OR56A4: variants seen among roughly 807,000 people sequenced by gnomAD.
OR56A4 encodes olfactory receptor 56A4.
OR56A4 carries 9 observed loss-of-function variants against 13.6 expected under a neutral mutation model. The ratio of observed to expected loss-of-function variants is 0.66; its 90% CI spans 0.40 to 1.15. The LOEUF (loss-of-function observed/expected upper bound fraction) is 1.15. Among genes scored for constraint, OR56A4 ranks in the 50% most tolerant of loss-of-function variants. OR56A4 has a pLI of 0.01. For synonymous variants in OR56A4, 167 were observed against 153.9 expected (o/e 1.08, Z -0.63); for missense variants, 380 against 375.9 (o/e 1.01, Z -0.09).
chr11:6,006,141 C>T (rs1302176297), intron 2 of OR56A4, 108 bp downstream of exon 2: 1 of 152,192 alleles, frequency 6.6e-6, no homozygotes, highest in Non-Finnish European at 1.5e-5. Flanking sequence ...AGGAATGCCT[C>T]CCAGATTTTT....
In OR56A4 at chr11:5,999,576, A is replaced by G. The variant is rs997433; in HGVS notation, c.*2475T>C. 0.39 allele frequency: 59,393 copies of G among 152,010 alleles called. 12,420 individuals carry two copies. Among genetic ancestry groups the G allele is most frequent in the African/African-American group, 0.54 (22,354 of 41,462 alleles). 9.4% of individuals were successfully genotyped at this position (152,010 alleles called of 1,614,324 possible). ...TGTCTCAATCCTAATGGTCTTCACT[A>G]TATAAAGGTTCATTTTGTGCTGGCT... On this transcript the variant is annotated 3_prime_UTR_variant, in exon 3 of 3. Coordinates refer to ENST00000641156, the MANE Select transcript of OR56A4 (RefSeq NM_001005179.4).
At chr11:6,003,932 G>T (rs1439318095) in intron 2 of OR56A4, among the ~76,000 whole-genome samples, 1 of 152,182 alleles carries the variant, frequency 6.6e-6, no homozygotes, top group Non-Finnish European at 1.5e-5. Context: ...TCTACATTCT[G>T]TAAACTCATC....
chr11:6,005,542 G>A (rs901388334), intron 2 of OR56A4, among the ~76,000 whole-genome samples: 2 of 152,120 alleles, frequency 1.3e-5, no homozygotes, highest in African/African-American at 4.8e-5. Flanking sequence ...TATTTGAAAA[G>A]GAACGTGATA....
Position 6,001,364 on chromosome 11 carries a change from C to T in OR56A4, c.*687G>A, listed in dbSNP as rs546981436. On this transcript the variant is annotated 3_prime_UTR_variant, in exon 3 of 3. Transcript: ENST00000641156. ...CCTCCCCAACCTAAAAATCCTAAAACTTTATCAACCTCATTTACAAACCAA... is the reference window on the plus strand; with the variant it reads ...CCTCCCCAACCTAAAAATCCTAAAATTTTATCAACCTCATTTACAAACCAA... The T allele has an allele frequency of 1.3e-5, 2 of 152,390 alleles. No homozygotes were observed. Among genetic ancestry groups the T allele is most frequent in the African/African-American group, 2.4e-5 (1 of 41,574 alleles). The allele number at this position is 152,390 out of a possible 1,614,324, so 9.4% of individuals were successfully genotyped here. A position where few individuals can be genotyped will look rare whatever the true frequency, so the allele number is the denominator to read the frequency against.
chr11:6,002,414 A>G lies in OR56A4; in HGVS notation c.579T>C (p.Asp193=). ...GGTAGAGCTGATTGAAAGTGATGTCATCACAAGAGAGTTTGGACACAGACA... is the reference window on the plus strand; with the variant it reads ...GGTAGAGCTGATTGAAAGTGATGTCGTCACAAGAGAGTTTGGACACAGACA... ...SNLSVSKLSC[D]DITFNQLYQF... The change falls in exon 3 of 3, where the codon GAT becomes GAC. Residue 193 remains aspartate (D), a synonymous_variant. Transcript: ENST00000641156. 2 of 1,614,252 alleles carry G rather than the reference A, an allele frequency of 1.2e-6. No individual in the cohort carries two copies.
Position 6,000,673 on chromosome 11 carries a change from T to C in OR56A4, c.*1378A>G, listed in dbSNP as rs1848207603. 6.6e-6 allele frequency: 1 copy of C among 151,920 alleles called. No individual in the cohort carries two copies. The highest frequency in any genetic ancestry group is 1.5e-5 in the Non-Finnish European group (1 of 67,974). 9.4% of individuals were successfully genotyped at this position (151,920 alleles called of 1,614,324 possible). ...GATGGGGTTTGGCAAATGGTGATAA[T>C]GGTAAAAGAAGGCTGATGTGAGAAG... On this transcript the variant is annotated 3_prime_UTR_variant, in exon 3 of 3. Coordinates refer to ENST00000641156, the MANE Select transcript of OR56A4 (RefSeq NM_001005179.4).
chr11:6,001,921 G>A lies in OR56A4; in HGVS notation c.*130C>T, dbSNP rs1398724921. On this transcript the variant is annotated 3_prime_UTR_variant, in exon 3 of 3. Transcript: ENST00000641156. ...TGTGTTCATTGTTGCCTGAGATATT[G>A]AGAACAGAAGAATCCGAACTCAGGC... 1.2e-6 allele frequency: 1 copy of A among 855,790 alleles called. No individual in the cohort carries two copies. The highest frequency in any genetic ancestry group is 2.8e-5 in the East Asian group (1 of 36,328). The allele number at this position is 855,790 out of a possible 1,614,324, so 53.0% of individuals were successfully genotyped here. A position where few individuals can be genotyped will look rare whatever the true frequency, so the allele number is the denominator to read the frequency against.
chr11:6,002,322 A>G lies in OR56A4; in HGVS notation c.671T>C (p.Ile224Thr), dbSNP rs1235211170. 1 of 1,614,202 alleles carries G rather than the reference A, an allele frequency of 6.2e-7. No individual in the cohort carries two copies. Among genetic ancestry groups the G allele is most frequent in the African/African-American group, 1.3e-5 (1 of 75,070 alleles). Residue 224 changes from isoleucine (I) to threonine (T), a missense_variant, in exon 3 of 3, where the codon ATA (isoleucine) becomes ACA (threonine). Physicochemically the swap from Ile to Thr is moderately conservative, Grantham distance 89 (BLOSUM62 -1). Coordinates refer to ENST00000641156, the MANE Select transcript of OR56A4 (RefSeq NM_001005179.4). ...LILIVISYSF[I>T]LKVVLRIKAE... ...CTTGATCCTAAGCACAACTTTCAAT[A>G]TAAAAGAATAGGAGATAACAATAAG...
In OR56A4 at chr11:6,000,965, T is replaced by C. The variant is rs1045607947; in HGVS notation, c.*1086A>G. 1 of 152,234 alleles carries C rather than the reference T, an allele frequency of 6.6e-6. No homozygotes were observed. The highest frequency in any genetic ancestry group is 2.4e-5 in the African/African-American group (1 of 41,462). 9.4% of individuals were successfully genotyped at this position (152,234 alleles called of 1,614,324 possible). On this transcript the variant is annotated 3_prime_UTR_variant, in exon 3 of 3. Transcript: ENST00000641156. ...AAGTAGGATAGTCCAGTTGGGACAG[T>C]TGTCAAACAATGCCTGGACAAATGA...
chr11:6,005,796 T>A (rs1412875049), intron 2 of OR56A4, among the ~76,000 whole-genome samples: 1 of 152,212 alleles, frequency 6.6e-6, no homozygotes, highest in African/African-American at 2.4e-5. Context: ...TATACAGGTA[T>A]CAGTCTCAAC....
Position 5,999,618 on chromosome 11 carries a change from G to C in OR56A4, c.*2433C>G, listed in dbSNP as rs964612388. The C allele has an allele frequency of 3.9e-5, 6 of 152,128 alleles. No individual in the cohort carries two copies. The highest frequency in any genetic ancestry group is 2.6e-4 in the Admixed American group (4 of 15,274). The allele number at this position is 152,128 out of a possible 1,614,324, so 9.4% of individuals were successfully genotyped here. A position where few individuals can be genotyped will look rare whatever the true frequency, so the allele number is the denominator to read the frequency against. The stretch of plus-strand genomic sequence containing the variant: ...GTGCTGGCTAAAAATATGGCTCTCT[G>C]TTAGGTACTATAAGGACATATAATA... On this transcript the variant is annotated 3_prime_UTR_variant, in exon 3 of 3. Transcript: ENST00000641156.
Position 6,002,219 on chromosome 11 carries a change from C to T in OR56A4, c.774G>A (p.Leu258=). 3 of 1,614,046 alleles carry T rather than the reference C, an allele frequency of 1.9e-6. No individual in the cohort carries two copies. The highest frequency in any genetic ancestry group is 2.5e-6 in the Non-Finnish European group (3 of 1,179,976). ...FILILFFSTV[L]LVLVITNLAR... is the part of the protein sequence containing the mutation. ...CCAGGTTAGTGATGACCAGAACCAG[C>T]AGGACTGTGCTGAAGAAGAGGATGA... The change falls in exon 3 of 3, where the codon CTG becomes CTA. Residue 258 remains leucine (L), a synonymous_variant. Coordinates refer to ENST00000641156, the MANE Select transcript of OR56A4 (RefSeq NM_001005179.4).
In OR56A4 at chr11:5,999,840, A is replaced by G. The variant is rs1848201860; in HGVS notation, c.*2211T>C. On this transcript the variant is annotated 3_prime_UTR_variant, in exon 3 of 3. Coordinates refer to ENST00000641156, the MANE Select transcript of OR56A4 (RefSeq NM_001005179.4). The stretch of plus-strand genomic sequence containing the variant: ...TCTCAACCTAAAAGAAGCTTATGAC[A>G]GTGTCAGAGAAAGAAATACAGCCAC... 1 of 152,276 alleles carries G rather than the reference A, an allele frequency of 6.6e-6. No individual in the cohort carries two copies. Among genetic ancestry groups the G allele is most frequent in the African/African-American group, 2.4e-5 (1 of 41,474 alleles). The allele number at this position is 152,276 out of a possible 1,614,324, so 9.4% of individuals were successfully genotyped here. A position where few individuals can be genotyped will look rare whatever the true frequency, so the allele number is the denominator to read the frequency against.
At chr11:6,005,146 A>G (rs968928339) in intron 2 of OR56A4, among the ~76,000 whole-genome samples, 1 of 152,184 alleles carries the variant, frequency 6.6e-6, no homozygotes, top group African/African-American at 2.4e-5. Flanking sequence ...TTTCTCACAA[A>G]TGAAATAGAA....
rs1848209802 is a variant in OR56A4 at position 6,001,016 on chromosome 11, C to G, written c.*1035G>C. The G allele has an allele frequency of 6.6e-6, 1 of 152,166 alleles. No homozygotes were observed. Among genetic ancestry groups the G allele is most frequent in the Non-Finnish European group, 1.5e-5 (1 of 68,032 alleles). The allele number at this position is 152,166 out of a possible 1,614,324, so 9.4% of individuals were successfully genotyped here. On this transcript the variant is annotated 3_prime_UTR_variant, in exon 3 of 3. Coordinates refer to ENST00000641156, the MANE Select transcript of OR56A4 (RefSeq NM_001005179.4). ...TGGACTTGAAATCTGAATTTGCATCCCCAAAAGAGACAGATTAAGACTGTT... is the reference window on the plus strand; with the variant it reads ...TGGACTTGAAATCTGAATTTGCATCGCCAAAAGAGACAGATTAAGACTGTT...
At chr11:6,004,467 T>C (rs1848242202) in intron 2 of OR56A4, among the ~76,000 whole-genome samples, 1 of 152,220 alleles carries the variant, frequency 6.6e-6, no homozygotes, top group Admixed American at 6.5e-5. Context: ...GATTGAGGTG[T>C]GCATGAGAAG....
chr11:6,001,422 A>C lies in OR56A4; in HGVS notation c.*629T>G, dbSNP rs762078177. 1 of 152,312 alleles carries C rather than the reference A, an allele frequency of 6.6e-6. No individual in the cohort carries two copies. Among genetic ancestry groups the C allele is most frequent in the Non-Finnish European group, 1.5e-5 (1 of 68,090 alleles). The allele number at this position is 152,312 out of a possible 1,614,324, so 9.4% of individuals were successfully genotyped here. A position where few individuals can be genotyped will look rare whatever the true frequency, so the allele number is the denominator to read the frequency against. ...AGAAAGAAAATCTAAGTAGAGAGAA[A>C]GAATAGAAAACGCTGCCCTCAGAGA... On this transcript the variant is annotated 3_prime_UTR_variant, in exon 3 of 3. Coordinates refer to ENST00000641156, the MANE Select transcript of OR56A4 (RefSeq NM_001005179.4).
Position 6,002,082 on chromosome 11 carries a change from T to C in OR56A4, c.911A>G (p.Gln304Arg). ...CCTCTTCAGCAGGTTTTGGATTCCC[T>C]GCTTGATCTCCTTGGTTCTCACACC... ...VYGVRTKEIK[Q>R]GIQNLLKRL Residue 304 changes from glutamine (Q) to arginine (R), a missense_variant, in exon 3 of 3, where the codon CAG becomes CGG. Gln to Arg is a conservative substitution (Grantham distance 43). Transcript: ENST00000641156. The C allele has an allele frequency of 8.1e-6, 13 of 1,602,364 alleles. No homozygotes were observed. Among genetic ancestry groups the C allele is most frequent in the Non-Finnish European group, 1.1e-5 (13 of 1,174,812 alleles).
Position 6,001,760 on chromosome 11 carries a change from A to C in OR56A4, c.*291T>G, listed in dbSNP as rs1848214393. On this transcript the variant is annotated 3_prime_UTR_variant, in exon 3 of 3. Transcript: ENST00000641156. ...TTTAGTGGTCAAACACTTCCATTCT[A>C]ATACAGCTCCATTTGTCAAAGTCTT... The C allele has an allele frequency of 3.2e-6, 1 of 312,908 alleles. No individual in the cohort carries two copies. Among genetic ancestry groups the C allele is most frequent in the Non-Finnish European group, 5.8e-6 (1 of 172,196 alleles). 19.4% of individuals were successfully genotyped at this position (312,908 alleles called of 1,614,324 possible). A position where few individuals can be genotyped will look rare whatever the true frequency, so the allele number is the denominator to read the frequency against.
Sources: allele counts gnomAD v4.1 joint callset (sites outside exome capture counted in the v4.1 genomes callset), GRCh38; gene constraint gnomAD v4.1.1; transcripts MANE v1.5; gene names NCBI Gene and HGNC (gene_info 2026-07-23, HGNC 2026-07-21).